NUDT9: variants seen among roughly 807,000 people sequenced by gnomAD.
NUDT9 encodes the protein nudix hydrolase 9.
In NUDT9, 31 loss-of-function variants were observed where a neutral mutation model predicts 41.0. The ratio of observed to expected loss-of-function variants is 0.76; its 90% CI spans 0.57 to 1.02. NUDT9 has a LOEUF of 1.02. Ranked by LOEUF, NUDT9 falls within the 50% of genes least tolerant of loss-of-function variation. The pLI, the probability that NUDT9 is intolerant of heterozygous loss-of-function variation, is 0.00. For synonymous variants in NUDT9, 146 were observed against 147.6 expected (o/e 0.99, Z 0.08); for missense variants, 380 against 431.4 (o/e 0.88, Z 1.06).
In NUDT9 at chr4:87,423,007, G is replaced by A. The variant is rs768106403; in HGVS notation, c.102G>A (p.Ala34=). 1.2e-6 allele frequency: 2 copies of A among 1,612,140 alleles called. No individual in the cohort carries two copies. Among genetic ancestry groups the A allele is most frequent in the South Asian group, 2.2e-5 (2 of 90,812 alleles). The change falls in exon 1 of 8, where the codon GCG becomes GCA. Residue 34 remains alanine (A), a synonymous_variant. Coordinates refer to ENST00000302174, the MANE Select transcript of NUDT9 (RefSeq NM_024047.5). ...CCTCGCGCTGCCGCGGCATCCAGGC[G>A]TTCAGGTATTCCACCCTCCTACTAC... ...IRSSRCRGIQ[A]FRNSFSSSWF...
chr4:87,456,112 T>C lies in NUDT9; in HGVS notation c.874+1657T>C, dbSNP rs528299470. ...GTATGTGTCAGAGGCTAAAATTTCC[T>C]CTAGTTTTGGGTTTCCCTGGAGACT... On this transcript the variant is annotated intron_variant, in intron 7 of 7. Transcript: ENST00000302174. Among the ~76,000 whole-genome samples the C allele has an allele frequency of 2.0e-3, 301 of 152,330 alleles. 1 individual carries two copies. The highest frequency in any genetic ancestry group is 6.8e-3 in the Middle Eastern group (2 of 294).
At chr4:87,435,665 G>T (rs1327215046) in intron 2 of NUDT9, among the ~76,000 whole-genome samples, 3 of 152,178 alleles carry the variant, frequency 2.0e-5, no homozygotes, top group Non-Finnish European at 4.4e-5. Context: ...TGATAAACCA[G>T]TGTGAAAAAA....
chr4:87,458,004 G>C lies in NUDT9; in HGVS notation c.1036G>C (p.Asp346His). The C allele has an allele frequency of 1.9e-6, 3 of 1,553,458 alleles. No individual in the cohort carries two copies. The highest frequency in any genetic ancestry group is 2.6e-6 in the Non-Finnish European group (3 of 1,156,278). ...DAHWSEDSEA[D>H]CHAL The stretch of plus-strand genomic sequence containing the variant: ...ACACTGGAGCGAGGACTCTGAAGCT[G>C]ACTGCCATGCGTTGTAGCTGATGGT... The change falls in exon 8 of 8, where the codon GAC becomes CAC. Residue 346 changes from aspartate to histidine, a missense_variant. Transcript: ENST00000302174.
At chr4:87,440,758 A>C (rs1379989029) in intron 3 of NUDT9, among the ~76,000 whole-genome samples, 1 of 152,044 alleles carries the variant, frequency 6.6e-6, no homozygotes, top group Non-Finnish European at 1.5e-5. Context: ...AGGCAGGAGA[A>C]TTGCTTGAAC....
At chr4:87,436,048 C>G (rs1265705345) in intron 2 of NUDT9, among the ~76,000 whole-genome samples, 1 of 152,158 alleles carries the variant, frequency 6.6e-6, no homozygotes, top group Non-Finnish European at 1.5e-5. Context: ...GGCTGGAGTA[C>G]AGTGATGTGA....
At chr4:87,453,609 T>A (rs1443054255) in intron 6 of NUDT9, among the ~76,000 whole-genome samples, 1 of 151,994 alleles carries the variant, frequency 6.6e-6, no homozygotes, top group Non-Finnish European at 1.5e-5. Context: ...TTTGTGTTTT[T>A]AGTAGAGACG....
At chr4:87,429,026 G>A (rs962334979) in intron 1 of NUDT9, among the ~76,000 whole-genome samples, 2 of 152,016 alleles carry the variant, frequency 1.3e-5, no homozygotes, top group East Asian at 3.9e-4. Context: ...CTGCCTTTAG[G>A]GCAGTGAAAC....
chr4:87,450,766 C>G lies in NUDT9; in HGVS notation c.643-823C>G, dbSNP rs577917903. 1.4e-4 allele frequency among the ~76,000 whole-genome samples: 21 copies of G among 152,260 alleles called. No individual in the cohort carries two copies. In the South Asian group the frequency reaches 2.1e-3, roughly 15 times the overall value. On this transcript the variant is annotated intron_variant, in intron 5 of 7. Transcript: ENST00000302174. ...ATAATGATTTCATCATAGAATCTTG[C>G]ATTTTTATTGTTATTTAAAATTCTT...
intron 7 of NUDT9, 135 bp from the exon 8 acceptor site, chr4:87,457,708 G>A (rs2110196495): frequency 2.8e-6 from 2 of 714,640 alleles, no homozygotes; most frequent in Non-Finnish European, 4.5e-6. Context: ...GGGATGGAAT[G>A]GTCTAGTTTT....
chr4:87,433,929 C>T (rs1721793073), intron 1 of NUDT9, among the ~76,000 whole-genome samples: 1 of 152,074 alleles, frequency 6.6e-6, no homozygotes, highest in African/African-American at 2.4e-5. Context: ...AAAAATTTTT[C>T]AATAATTTCT....
rs552520650 is a variant in NUDT9 at position 87,429,170 on chromosome 4, G to C, written c.108-5811G>C. ...TAAAAAGGTTTCTTATTTTTTTAAT[G>C]AGTCAGGATCTCACTATGTTGCCCA... On this transcript the variant is annotated intron_variant, in intron 1 of 7. Transcript: ENST00000302174. Among the ~76,000 whole-genome samples, 126 of 152,196 alleles carry C rather than the reference G, an allele frequency of 8.3e-4. 5 individuals are homozygous for C. The South Asian group carries it at 0.025, about 30-fold the overall frequency.
At chr4:87,430,454 T>C (rs1469088047) in intron 1 of NUDT9, among the ~76,000 whole-genome samples, 1 of 152,264 alleles carries the variant, frequency 6.6e-6, no homozygotes, top group Non-Finnish European at 1.5e-5. Context: ...ATTTATTTTT[T>C]ATGTCATTGC....
At chr4:87,446,427 G>A (rs901411627) in intron 4 of NUDT9, among the ~76,000 whole-genome samples, 1 of 151,972 alleles carries the variant, frequency 6.6e-6, no homozygotes, top group African/African-American at 2.4e-5. Context: ...TAGAGACAGG[G>A]TTTCACCATG....
At chr4:87,436,886 ACT>A (rs1371012712) in intron 2 of NUDT9, among the ~76,000 whole-genome samples, 2 of 152,162 alleles carry the variant, frequency 1.3e-5, no homozygotes, top group Non-Finnish European at 2.9e-5. Flanking sequence ...CTCTTTATTC[ACT>A]GTCAGTGCAA....
chr4:87,450,085 A>G (rs1722638728), intron 5 of NUDT9, among the ~76,000 whole-genome samples: 1 of 151,796 alleles, frequency 6.6e-6, no homozygotes, highest in Non-Finnish European at 1.5e-5. Flanking sequence ...CTGGTCTCGA[A>G]CTCCTGGCCT....
intron 6 of NUDT9, among the ~76,000 whole-genome samples, chr4:87,452,065 C>T (rs1560799465): frequency 6.6e-6 from 1 of 150,774 alleles, no homozygotes; most frequent in Non-Finnish European, 1.5e-5. Context: ...TGCAGTGGCA[C>T]GATCTTGGCT....
rs1308658939 is a variant in NUDT9, at chr4:87,441,934, C to T, written c.530+19C>T. The T allele has an allele frequency of 6.4e-7, 1 of 1,560,804 alleles. No individual in the cohort carries two copies. Among genetic ancestry groups the T allele is most frequent in the Admixed American group, 1.9e-5 (1 of 51,742 alleles). ...TAACCAGGTAAGAACCAATAAAAAG[C>T]ATATCAGTAGCAAAGAGCTAAGTGA... is the stretch of plus-strand genomic sequence containing the variant. On this transcript the variant is annotated intron_variant, in intron 4 of 7. Transcript: ENST00000302174.
intron 6 of NUDT9, among the ~76,000 whole-genome samples, chr4:87,453,529 A>G (rs985562154): frequency 1.3e-5 from 2 of 152,018 alleles, no homozygotes; most frequent in Non-Finnish European, 2.9e-5. Flanking sequence ...TCACGGGTTC[A>G]TGCGATTCTC....
chr4:87,431,437 C>G (rs1232910920), intron 1 of NUDT9, among the ~76,000 whole-genome samples: 1 of 152,154 alleles, frequency 6.6e-6, no homozygotes, highest in African/African-American at 2.4e-5. Context: ...GTAGAGTTTT[C>G]TCTTTCTGGA....
Sources: allele counts gnomAD v4.1 joint callset (sites outside exome capture counted in the v4.1 genomes callset), GRCh38; gene constraint gnomAD v4.1.1; transcripts MANE v1.5; gene names NCBI Gene and HGNC (gene_info 2026-07-23, HGNC 2026-07-21).